Variants in CCDC91 observed in about 807,000 individuals in gnomAD.
The protein encoded by CCDC91 is coiled-coil domain-containing protein 91.
In CCDC91, 48 loss-of-function variants were observed where a neutral mutation model predicts 63.2. That is an observed-to-expected ratio of 0.76 (90% CI 0.60 to 0.97). The LOEUF (loss-of-function observed/expected upper bound fraction) is 0.97, where lower values mean the gene tolerates loss of function less well. CCDC91 is among the 50% of genes least tolerant of loss of function. The probability of loss-of-function intolerance (pLI) is 0.00; values close to 1 mark genes in which losing one functional copy is unlikely to be tolerated. For synonymous variants in CCDC91, 167 were observed against 165.8 expected (o/e 1.01, Z -0.06); for missense variants, 500 against 494.6 (o/e 1.01, Z -0.10).
At chr12:28,466,765 AT>A (rs1489001402) in intron 11 of CCDC91, among the ~76,000 whole-genome samples, 1 of 152,158 alleles carries the variant, frequency 6.6e-6, no homozygotes. Context: ...ATAAGAAATC[AT>A]CTGAATGTGC....
chr12:28,355,016 C>T (rs1162229052), intron 6 of CCDC91, among the ~76,000 whole-genome samples: 2 of 151,740 alleles, frequency 1.3e-5, no homozygotes, highest in Admixed American at 6.6e-5. Flanking sequence ...TTTTTTCCTC[C>T]TCTTTTATCC....
intron 8 of CCDC91, among the ~76,000 whole-genome samples, chr12:28,418,737 G>A (rs897305953): frequency 4.6e-5 from 7 of 151,990 alleles, no homozygotes; most frequent in Non-Finnish European, 1.0e-4. Flanking sequence ...GGCCAAAAAG[G>A]TCTTATTTTC....
intron 8 of CCDC91, among the ~76,000 whole-genome samples, chr12:28,433,185 C>CT (rs1215325772): frequency 1.3e-5 from 2 of 151,880 alleles, no homozygotes; most frequent in Non-Finnish European, 2.9e-5. Flanking sequence ...TCTCCTGACA[C>CT]TATCTTTCAT....
At chr12:28,486,513 TA>T (rs1344286444) in intron 12 of CCDC91, among the ~76,000 whole-genome samples, 2 of 152,160 alleles carry the variant, frequency 1.3e-5, no homozygotes, top group Admixed American at 1.3e-4. Context: ...TATTTTAGAC[TA>T]ACATTTCTTT....
chr12:28,419,618 G>T (rs1947882611), intron 8 of CCDC91, among the ~76,000 whole-genome samples: 2 of 152,062 alleles, frequency 1.3e-5, no homozygotes, highest in Non-Finnish European at 2.9e-5. Flanking sequence ...ACTGATATTG[G>T]TCAATCAGTA....
intron 1 of CCDC91, among the ~76,000 whole-genome samples, chr12:28,225,416 G>A (rs1190491992): frequency 6.6e-6 from 1 of 151,478 alleles, no homozygotes; most frequent in Non-Finnish European, 1.5e-5. Context: ...ATTGGCTGCT[G>A]TTGACTGCCT....
At chr12:28,483,346 T>C (rs1266700443) in intron 11 of CCDC91, among the ~76,000 whole-genome samples, 1 of 152,100 alleles carries the variant, frequency 6.6e-6, no homozygotes, top group Admixed American at 6.6e-5. Context: ...CTTCGTGGCA[T>C]TCATTCCATT....
chr12:28,226,990 G>C (rs1303785696), intron 1 of CCDC91, among the ~76,000 whole-genome samples: 1 of 152,114 alleles, frequency 6.6e-6, no homozygotes, highest in Admixed American at 6.6e-5. Flanking sequence ...AGATTGATAT[G>C]ATGTTTTTCC....
chr12:28,534,569 C>T (rs144905157), intron 12 of CCDC91, among the ~76,000 whole-genome samples: 549 of 152,210 alleles, frequency 3.6e-3, no homozygotes, highest in African/African-American at 0.012. Flanking sequence ...TTCCTGTCTA[C>T]GGGACATGTG....
intron 8 of CCDC91, among the ~76,000 whole-genome samples, chr12:28,398,819 T>G (rs1228055496): frequency 1.3e-5 from 2 of 152,224 alleles, no homozygotes; most frequent in Admixed American, 6.5e-5. Flanking sequence ...TATATTCAAA[T>G]CTTTTTGCTT....
At chr12:28,231,999 T>G (rs1944631340) in intron 1 of CCDC91, among the ~76,000 whole-genome samples, 2 of 152,200 alleles carry the variant, frequency 1.3e-5, no homozygotes, top group African/African-American at 4.8e-5. Context: ...ACTTTCAAAG[T>G]AGGATAATTC....
At chr12:28,209,174 C>T (rs1465893078) in intron 1 of CCDC91, among the ~76,000 whole-genome samples, 2 of 152,164 alleles carry the variant, frequency 1.3e-5, no homozygotes, top group African/African-American at 4.8e-5. Flanking sequence ...TTGCATTAGT[C>T]TACTATTAAT....
chr12:28,244,063 C>T (rs1175108225), intron 1 of CCDC91, among the ~76,000 whole-genome samples: 1 of 152,156 alleles, frequency 6.6e-6, no homozygotes, highest in Non-Finnish European at 1.5e-5. Context: ...AGAAGACAAA[C>T]ATCATTGCCA....
At chr12:28,460,482 A>G (rs944764299) in intron 11 of CCDC91, among the ~76,000 whole-genome samples, 3 of 152,148 alleles carry the variant, frequency 2.0e-5, no homozygotes, top group African/African-American at 4.8e-5. Flanking sequence ...TTAAAAATGT[A>G]TGAGGCCCAC....
intron 11 of CCDC91, among the ~76,000 whole-genome samples, chr12:28,476,323 T>G (rs1181401368): frequency 1.3e-5 from 2 of 152,046 alleles, no homozygotes; most frequent in Admixed American, 6.6e-5. Flanking sequence ...AGAAACTCAT[T>G]CAAAACCGGT....
At chr12:28,395,595 T>C (rs553535428) in intron 8 of CCDC91, among the ~76,000 whole-genome samples, 267 of 152,230 alleles carry the variant, frequency 1.8e-3, no homozygotes, top group Middle Eastern at 3.4e-3. Flanking sequence ...ATGGAAGAAA[T>C]ACATAGGACA....
At chr12:28,211,019 G>A (rs1943198908) in intron 1 of CCDC91, among the ~76,000 whole-genome samples, 1 of 149,634 alleles carries the variant, frequency 6.7e-6, no homozygotes, top group Admixed American at 6.7e-5. Context: ...GAACAGCGAG[G>A]CTTCCAGGGT....
chr12:28,407,319 A>G (rs1288939268), intron 8 of CCDC91, among the ~76,000 whole-genome samples: 1 of 152,174 alleles, frequency 6.6e-6, no homozygotes, highest in Non-Finnish European at 1.5e-5. Flanking sequence ...TACGTTTGTC[A>G]AAAATCAATC....
At chr12:28,262,149 A>C (rs574735895) in intron 3 of CCDC91, among the ~76,000 whole-genome samples, 1 of 152,158 alleles carries the variant, frequency 6.6e-6, no homozygotes, top group South Asian at 2.1e-4. Context: ...AGACCTGAGA[A>C]GATAGGAACC....
Sources: gnomAD v4.1 joint callset for allele counts (sites outside exome capture counted in the v4.1 genomes callset) on GRCh38, gnomAD v4.1.1 for gene constraint, MANE v1.5 for transcripts, NCBI Gene and HGNC (gene_info 2026-07-23, HGNC 2026-07-21) for gene names.